NPTX2: variants seen among roughly 807,000 people sequenced by gnomAD.
The protein encoded by NPTX2 is neuronal pentraxin-2.
NPTX2 carries 23 observed loss-of-function variants against 38.1 expected under a neutral mutation model. The observed-to-expected ratio is 0.60, with a 90% confidence interval of 0.43 to 0.85. The LOEUF (loss-of-function observed/expected upper bound fraction) is 0.85. NPTX2 is among the 40% of genes least tolerant of loss of function. NPTX2 has a pLI of 0.00. For missense variants in NPTX2, 553 were observed against 615.3 expected (o/e 0.90, Z 1.07); for synonymous variants, 291 against 287.3 (o/e 1.01, Z -0.13).
chr7:98,627,670 G>A (rs1462703653), intron 4 of NPTX2, among the ~76,000 whole-genome samples: 1 of 152,186 alleles, frequency 6.6e-6, no homozygotes. Flanking sequence ...GGCACAGAGG[G>A]GTGTGAGTGT....
chr7:98,617,621 A>T lies in NPTX2; in HGVS notation c.160A>T (p.Ser54Cys). The T allele has an allele frequency of 6.7e-7, 1 of 1,489,206 alleles. No homozygotes were observed. The highest frequency in any genetic ancestry group is 8.9e-7 in the Non-Finnish European group (1 of 1,127,624). The allele number at this position is 1,489,206 out of a possible 1,614,324, so 92.2% of individuals were successfully genotyped here. The change falls in exon 1 of 5, where the codon AGT (serine) becomes TGT (cysteine). Residue 54 changes from serine to cysteine, a missense_variant. By Grantham distance (112) the Ser-to-Cys change is moderately radical. Coordinates refer to ENST00000265634, the MANE Select transcript of NPTX2 (RefSeq NM_002523.3). ...GATGCCCATGCAGGGCGGCGCGCAG[A>T]GTCCCGAGGAGGAGCTGAGGGCCGC... ...PAMPMQGGAQ[S>C]PEEELRAAVL... is the part of the protein sequence containing the mutation.
intron 1 of NPTX2, among the ~76,000 whole-genome samples, chr7:98,618,398 G>C (rs1401661926): frequency 6.6e-6 from 1 of 152,174 alleles, no homozygotes; most frequent in Non-Finnish European, 1.5e-5. Flanking sequence ...TCTGGGGGCG[G>C]AGGTCGCAGG....
intron 3 of NPTX2, 151 bp downstream of exon 3, chr7:98,625,317 A>G: frequency 1.1e-6 from 1 of 891,150 alleles, no homozygotes; most frequent in Non-Finnish European, 1.6e-6. Context: ...AGGTGGGGAT[A>G]GCTTTGCACA....
chr7:98,627,431 G>A, intron 4 of NPTX2, 87 bp downstream of exon 4: 1 of 1,154,466 alleles, frequency 8.7e-7, no homozygotes. Context: ...ATGGTGCGAG[G>A]AGGGGCCAAC....
chr7:98,617,727 GC>G lies in NPTX2; in HGVS notation c.267del (p.Lys90SerfsTer2). 7.0e-7 allele frequency: 1 copy of G among 1,421,856 alleles called. No individual in the cohort carries two copies. The highest frequency in any genetic ancestry group is 9.1e-7 in the Non-Finnish European group (1 of 1,100,394). The allele number at this position is 1,421,856 out of a possible 1,614,324, so 88.1% of individuals were successfully genotyped here. The part of the protein sequence containing the change: ...AQREAIRELT[G>X]KLARCEGLAG... The stretch of plus-strand genomic sequence containing the variant: ...CGCGAGGCCATCCGCGAGCTCACGG[GC>G]AAGCTAGCGCGCTGCGAGGGGCTGG... On this transcript the variant is annotated frameshift_variant, in exon 1 of 5. Coordinates refer to ENST00000265634, the MANE Select transcript of NPTX2 (RefSeq NM_002523.3). LOFTEE classifies it high-confidence loss of function.
chr7:98,618,136 G>A (rs1239210261), intron 1 of NPTX2, among the ~76,000 whole-genome samples: 1 of 152,176 alleles, frequency 6.6e-6, no homozygotes, highest in African/African-American at 2.4e-5. Context: ...CGCGCGTCGG[G>A]ACTGCCAGCG....
intron 3 of NPTX2, 47 bp from the exon 4 acceptor site, chr7:98,627,118 G>A: frequency 7.0e-7 from 1 of 1,430,698 alleles, no homozygotes; most frequent in Non-Finnish European, 9.7e-7. Flanking sequence ...GGGGGACCCT[G>A]AGGGCGTGGG....
chr7:98,617,644 C>A lies in NPTX2; in HGVS notation c.183C>A (p.Ala61=), dbSNP rs1334895681. Residue 61 remains alanine (A), a synonymous_variant, in exon 1 of 5, where the codon GCC becomes GCA. Transcript: ENST00000265634. ...GAQSPEEELR[A]AVLQLRETVV... is the part of the protein sequence containing the mutation. ...AGAGTCCCGAGGAGGAGCTGAGGGC[C>A]GCGGTGCTGCAGCTGCGCGAGACCG... The A allele has an allele frequency of 1.3e-6, 2 of 1,489,220 alleles. No individual in the cohort carries two copies. Among genetic ancestry groups the A allele is most frequent in the Non-Finnish European group, 1.8e-6 (2 of 1,128,182 alleles). 92.3% of individuals were successfully genotyped at this position (1,489,220 alleles called of 1,614,324 possible).
intron 3 of NPTX2, among the ~76,000 whole-genome samples, chr7:98,626,273 GATTTGGGC>G (rs1791349324): frequency 6.6e-6 from 1 of 152,038 alleles, no homozygotes. Flanking sequence ...AACCTGTCCG[GATTTGGGC>G]ATTTGAGTGG....
At chr7:98,627,107 T>C (rs543033562) in intron 3 of NPTX2, 58 bp from the exon 4 acceptor site, 11 of 1,268,686 alleles carry the variant, frequency 8.7e-6, no homozygotes, top group Non-Finnish European at 1.0e-5. Flanking sequence ...CTTCCTGCCC[T>C]GGGGGACCCT....
In NPTX2 at chr7:98,617,626, C is replaced by G. The variant is rs967302854; in HGVS notation, c.165C>G (p.Pro55=). Residue 55 remains proline, a synonymous_variant, in exon 1 of 5, where the codon CCC becomes CCG. Coordinates refer to ENST00000265634, the MANE Select transcript of NPTX2 (RefSeq NM_002523.3). The part of the protein sequence containing the change: ...AMPMQGGAQS[P]EEELRAAVLQ... Reference sequence around the variant, plus strand: ...CCATGCAGGGCGGCGCGCAGAGTCCCGAGGAGGAGCTGAGGGCCGCGGTGC... The same window carrying G: ...CCATGCAGGGCGGCGCGCAGAGTCCGGAGGAGGAGCTGAGGGCCGCGGTGC... 14 of 1,490,932 alleles carry G rather than the reference C, an allele frequency of 9.4e-6. No homozygotes were observed. The highest frequency in any genetic ancestry group is 4.7e-4 in the Middle Eastern group (2 of 4,252). 92.4% of individuals were successfully genotyped at this position (1,490,932 alleles called of 1,614,324 possible).
At chr7:98,624,103 T>C (rs1791308457) in intron 2 of NPTX2, among the ~76,000 whole-genome samples, 1 of 152,098 alleles carries the variant, frequency 6.6e-6, no homozygotes, top group Admixed American at 6.5e-5. Context: ...ACCACAGGTG[T>C]GTGCCACCCT....
rs982662437 is a variant in NPTX2, at chr7:98,617,314, T to A, written c.-148T>A. ...TGCCGAGCAGCGCGGTGGGTGCGGC[T>A]GTGAGACGGCAGGAGACTTCTGCCC... On this transcript the variant is annotated 5_prime_UTR_variant, in exon 1 of 5. Transcript: ENST00000265634. The A allele has an allele frequency of 1.1e-5, 3 of 283,318 alleles. No homozygotes were observed. Among genetic ancestry groups the A allele is most frequent in the Non-Finnish European group, 1.9e-5 (3 of 153,934 alleles). The allele number at this position is 283,318 out of a possible 1,614,324, so 17.6% of individuals were successfully genotyped here. A position where few individuals can be genotyped will look rare whatever the true frequency, so the allele number is the denominator to read the frequency against.
At chr7:98,626,671 C>T (rs1177286033) in intron 3 of NPTX2, among the ~76,000 whole-genome samples, 1 of 152,214 alleles carries the variant, frequency 6.6e-6, no homozygotes, top group Non-Finnish European at 1.5e-5. Context: ...CCAGTGGCAG[C>T]GTCCTCCCCC....
Position 98,628,206 on chromosome 7 carries a change from T to C in NPTX2, c.1069-196T>C, listed in dbSNP as rs74600550. Among the ~76,000 whole-genome samples, 1,359 of 152,240 alleles carry C rather than the reference T, an allele frequency of 8.9e-3. 18 individuals carry two copies. Among genetic ancestry groups the C allele is most frequent in the African/African-American group, 0.032 (1,310 of 41,536 alleles). On this transcript the variant is annotated intron_variant, in intron 4 of 4. Transcript: ENST00000265634. ...TTCCCTTACCAGCCTCAGTTTCCCC[T>C]GTATAAAATGGGGAGATTTGAGCGA...
chr7:98,618,593 CG>C (rs1791219873), intron 1 of NPTX2, among the ~76,000 whole-genome samples: 1 of 37,336 alleles, frequency 2.7e-5, no homozygotes, highest in African/African-American at 1.3e-4. Context: ...CCTCCCCCTC[CG>C]TCCCCCCCCC....
intron 2 of NPTX2, among the ~76,000 whole-genome samples, chr7:98,624,256 TA>T (rs1791310226): frequency 6.6e-6 from 1 of 152,182 alleles, no homozygotes; most frequent in Non-Finnish European, 1.5e-5. Flanking sequence ...TGCACTTGGC[TA>T]ATTTTTTAAA....
At chr7:98,618,106 A>T (rs945755827) in intron 1 of NPTX2, among the ~76,000 whole-genome samples, 4 of 152,118 alleles carry the variant, frequency 2.6e-5, no homozygotes, top group Non-Finnish European at 5.9e-5. Context: ...TGCTGGAAGG[A>T]AACGTTTAAA....
At chr7:98,624,826 C>T (rs1791320519) in intron 2 of NPTX2, 96 bp from the exon 3 acceptor site, 3 of 1,482,448 alleles carry the variant, frequency 2.0e-6, no homozygotes, top group Admixed American at 3.9e-5. Flanking sequence ...TGTGAGGGAC[C>T]TTCTTGTGGG....
Sources: allele counts gnomAD v4.1 joint callset (sites outside exome capture counted in the v4.1 genomes callset), GRCh38; gene constraint gnomAD v4.1.1; transcripts MANE v1.5; gene names NCBI Gene and HGNC (gene_info 2026-07-23, HGNC 2026-07-21).